The following NFIC variants were observed in gnomAD, a reference collection of about 807,000 sequenced individuals.
NFIC encodes nuclear factor I C.
A neutral mutation model predicts 54.4 loss-of-function variants in NFIC; 12 were observed. The ratio of observed to expected loss-of-function variants is 0.22; its 90% CI spans 0.14 to 0.36. The LOEUF is 0.36. NFIC is among the 10% of genes least tolerant of loss of function. NFIC has a pLI of 1.00. For synonymous variants in NFIC, 322 were observed against 319.2 expected, an observed-to-expected ratio of 1.01 and a Z score of -0.09; for missense variants, 575 against 718.2, an observed-to-expected ratio of 0.80 and a Z score of 2.28.
At chr19:3,385,882 T>TTTTTTGC (rs2081288768) in intron 2 of NFIC, among the ~76,000 whole-genome samples, 1 of 150,854 alleles carries the variant, frequency 6.6e-6, no homozygotes, top group Non-Finnish European at 1.5e-5. Flanking sequence ...TTGTTTTTTG[T>TTTTTTGC]TTTTTGCAGA....
At position 3,467,392 on chromosome 19, in the gene NFIC, T is replaced by A. The variant is rs1031710190; in HGVS notation, c.*4623T>A. ...CCCTATTTGACTGGGGAGAGGAGGA[T>A]CTGGAGTCCTTCATGCCCAGGTCTG... On this transcript the variant is annotated 3_prime_UTR_variant, in exon 11 of 11. Coordinates refer to ENST00000443272, the MANE Select transcript of NFIC (RefSeq NM_001245002.2). The A allele has an allele frequency of 6.6e-6, 1 of 150,968 alleles. No homozygotes were observed. The highest frequency in any genetic ancestry group is 6.6e-5 in the Admixed American group (1 of 15,188). 9.4% of individuals were successfully genotyped at this position (150,968 alleles called of 1,614,324 possible).
chr19:3,451,907 AG>A (rs1413236693), intron 7 of NFIC, among the ~76,000 whole-genome samples: 1 of 152,036 alleles, frequency 6.6e-6, no homozygotes, highest in Non-Finnish European at 1.5e-5. Context: ...ACCTGAGGTC[AG>A]GAGTTCAAGA....
chr19:3,450,512 C>T (rs975825983), intron 7 of NFIC, among the ~76,000 whole-genome samples: 28 of 150,580 alleles, frequency 1.9e-4, no homozygotes, highest in African/African-American at 6.4e-4. Context: ...AAAATTAGCT[C>T]GGTGTGGTGA....
At chr19:3,365,670 A>G (rs533107007), upstream of NFIC, among the ~76,000 whole-genome samples, 14 of 152,300 alleles carry the variant, frequency 9.2e-5, no homozygotes, top group East Asian at 1.9e-3. Context: ...AGGCAGGTGG[A>G]AATTATTGGA....
chr19:3,454,590 C>T (rs572373862), intron 9 of NFIC, among the ~76,000 whole-genome samples: 2 of 152,064 alleles, frequency 1.3e-5, no homozygotes, highest in Non-Finnish European at 2.9e-5. Flanking sequence ...CCACCCCATT[C>T]GTCCGCAGTG....
At chr19:3,405,768 T>G (rs1222222049) in intron 2 of NFIC, among the ~76,000 whole-genome samples, 2 of 151,776 alleles carry the variant, frequency 1.3e-5, no homozygotes, top group Non-Finnish European at 2.9e-5. Flanking sequence ...CCCAGCTAAT[T>G]TTTTTGTATT....
intron 9 of NFIC, among the ~76,000 whole-genome samples, chr19:3,455,851 C>T (rs535145714): frequency 2.6e-5 from 4 of 152,104 alleles, no homozygotes; most frequent in Non-Finnish European, 5.9e-5. Context: ...TGGATTCCAC[C>T]CCCCTTTCCC....
intron 1 of NFIC, among the ~76,000 whole-genome samples, chr19:3,367,251 T>C (rs953738245): frequency 1.3e-5 from 2 of 151,976 alleles, no homozygotes; most frequent in Admixed American, 6.5e-5. Context: ...GCAGGAGAAG[T>C]TGGAGGCCCA....
intron 2 of NFIC, among the ~76,000 whole-genome samples, chr19:3,409,241 G>A (rs541712075): frequency 2.0e-5 from 3 of 152,142 alleles, no homozygotes; most frequent in African/African-American, 7.2e-5. Flanking sequence ...TTCCTGCCCC[G>A]TGGACCTTGC....
At chr19:3,424,811 A>T (rs1403115962) in intron 2 of NFIC, among the ~76,000 whole-genome samples, 1 of 152,210 alleles carries the variant, frequency 6.6e-6, no homozygotes, top group Admixed American at 6.5e-5. Context: ...GTTCTTACCC[A>T]CGACTGAGCC....
In NFIC at chr19:3,431,562, T is replaced by C. The variant is rs528997221; in HGVS notation, c.635-1956T>C. Among the ~76,000 whole-genome samples the C allele has an allele frequency of 1.3e-4, 19 of 151,550 alleles. No homozygotes were observed. The South Asian group carries it at 4.0e-3, about 32-fold the overall frequency. ...TTTTGTACTTTTTGTAGGGATGGGG[T>C]TTCGCCATGTTGCCCAGTCCCGTCT... On this transcript the variant is annotated intron_variant, in intron 3 of 10. Coordinates refer to ENST00000443272, the MANE Select transcript of NFIC (RefSeq NM_001245002.2).
In NFIC at chr19:3,453,724, G is replaced by C. The variant is rs769642893; in HGVS notation, c.1270-39G>C. On this transcript the variant is annotated intron_variant, in intron 8 of 10. Coordinates refer to ENST00000443272, the MANE Select transcript of NFIC (RefSeq NM_001245002.2). This position sits in a 1 kb window ranked among gnomAD's most constrained non-coding sequence, Gnocchi z 6.7. The stretch of plus-strand genomic sequence containing the variant: ...GCGCCAGCAGCCCGAGGTAGAGGGG[G>C]AGCCCACCCCTTAACCACGTGTCTC... 2.2e-5 allele frequency: 35 copies of C among 1,572,772 alleles called. 1 individual carries two copies. The South Asian group carries it at 4.1e-4, about 18-fold the overall frequency.
intron 2 of NFIC, among the ~76,000 whole-genome samples, chr19:3,413,653 T>G (rs772161756): frequency 7.2e-5 from 11 of 152,052 alleles, no homozygotes; most frequent in Non-Finnish European, 1.6e-4. Context: ...AATTTGTTGT[T>G]TTTTGAGATG....
At chr19:3,403,766 C>T (rs1452207970) in intron 2 of NFIC, among the ~76,000 whole-genome samples, 1 of 152,210 alleles carries the variant, frequency 6.6e-6, no homozygotes, top group Non-Finnish European at 1.5e-5. Context: ...CAGTTGGAGA[C>T]GCGCCCCAAG....
intron 1 of NFIC, chr19:3,359,715 C>G (rs1161157319): frequency 7.0e-7 from 1 of 1,422,362 alleles, no homozygotes; most frequent in Non-Finnish European, 9.3e-7. Context: ...TTCGTTTTCG[C>G]CCGGGGACTT....
rs1011584485 is a variant in NFIC, at chr19:3,467,831, T to G, written c.*5062T>G. On this transcript the variant is annotated 3_prime_UTR_variant, in exon 11 of 11. Coordinates refer to ENST00000443272, the MANE Select transcript of NFIC (RefSeq NM_001245002.2). ...CTCATAATACAGAATATATAGTGGC[T>G]ACCTTGTATCTTGGTCTGGATTCTC... 17 of 144,446 alleles carry G rather than the reference T, an allele frequency of 1.2e-4. No homozygotes were observed. Among genetic ancestry groups the G allele is most frequent in the Admixed American group, 2.8e-4 (4 of 14,344 alleles). 8.9% of individuals were successfully genotyped at this position (144,446 alleles called of 1,614,324 possible).
intron 2 of NFIC, among the ~76,000 whole-genome samples, chr19:3,387,980 G>A (rs998716356): frequency 4.6e-5 from 7 of 152,188 alleles, no homozygotes; most frequent in Middle Eastern, 3.4e-3. Flanking sequence ...GGCGGGCACC[G>A]TGCCAGGGCT....
intron 1 of NFIC, among the ~76,000 whole-genome samples, chr19:3,377,178 C>G (rs965478690): frequency 4.0e-5 from 6 of 149,904 alleles, no homozygotes; most frequent in African/African-American, 1.5e-4. Flanking sequence ...AAAAAAAATA[C>G]AAAAAATTAG....
chr19:3,361,551 G>T (rs955315003), upstream of NFIC, among the ~76,000 whole-genome samples: 1 of 144,984 alleles, frequency 6.9e-6, no homozygotes, highest in African/African-American at 2.6e-5. Context: ...AAAGCCCAAG[G>T]CCAGGCTGGT....
Sources: allele counts gnomAD v4.1 joint callset (sites outside exome capture counted in the v4.1 genomes callset), GRCh38; gene constraint gnomAD v4.1.1; non-coding constraint Gnocchi (gnomAD v3.1); transcripts MANE v1.5; gene names NCBI Gene and HGNC (gene_info 2026-07-23, HGNC 2026-07-21).